Variants in PTPN9 observed in about 807,000 individuals in gnomAD.
PTPN9 encodes protein tyrosine phosphatase non-receptor type 9, also known as tyrosine-protein phosphatase non-receptor type 9.
A neutral mutation model predicts 69.8 loss-of-function variants in PTPN9; 26 were observed. That is an observed-to-expected ratio of 0.37 (90% CI 0.27 to 0.52). The LOEUF (loss-of-function observed/expected upper bound fraction) is 0.52, where lower values mean the gene tolerates loss of function less well. Ranked by LOEUF, PTPN9 falls within the 20% of genes least tolerant of loss-of-function variation. The pLI, the probability that PTPN9 is intolerant of heterozygous loss-of-function variation, is 0.91. For synonymous variants in PTPN9, 274 were observed against 272.5 expected, an observed-to-expected ratio of 1.01 and a Z score of -0.05; for missense variants, 549 against 740.3, an observed-to-expected ratio of 0.74 and a Z score of 3.00.
intron 7 of PTPN9, among the ~76,000 whole-genome samples, chr15:75,493,265 C>G (rs2074721581): frequency 6.6e-6 from 1 of 151,780 alleles, no homozygotes; most frequent in South Asian, 2.1e-4. Context: ...CTCTAAAAGG[C>G]TATCATTAAT....
chr15:75,483,691 G>T (rs1215803705), intron 8 of PTPN9, among the ~76,000 whole-genome samples: 1 of 152,210 alleles, frequency 6.6e-6, no homozygotes, highest in African/African-American at 2.4e-5. Context: ...TAGGTAAATT[G>T]TATGGTATGT....
chr15:75,521,964 C>A (rs1285265200), intron 4 of PTPN9, among the ~76,000 whole-genome samples: 1 of 152,156 alleles, frequency 6.6e-6, no homozygotes, highest in Non-Finnish European at 1.5e-5. Context: ...TCTCAGCCAA[C>A]CAAAGTGCTA....
chr15:75,510,625 A>G (rs553468557), intron 5 of PTPN9, among the ~76,000 whole-genome samples: 1 of 151,524 alleles, frequency 6.6e-6, no homozygotes, highest in East Asian at 1.9e-4. Flanking sequence ...TTTCTATTTT[A>G]ATGTCAGAAA....
chr15:75,578,216 G>A (rs1438396986), intron 1 of PTPN9, among the ~76,000 whole-genome samples: 2 of 152,134 alleles, frequency 1.3e-5, no homozygotes, highest in African/African-American at 4.8e-5. Context: ...AAACCTAAGA[G>A]GCTCCTCTGA....
chr15:75,517,972 T>C (rs563037675), intron 4 of PTPN9, among the ~76,000 whole-genome samples: 19 of 152,284 alleles, frequency 1.2e-4, no homozygotes, highest in Middle Eastern at 3.4e-3. Flanking sequence ...TGTGAAAAAC[T>C]GTGTAGAACA....
At chr15:75,515,426 C>CAAAAAA (rs34643551) in intron 5 of PTPN9, among the ~76,000 whole-genome samples, 2 of 69,412 alleles carry the variant, frequency 2.9e-5, no homozygotes, top group African/African-American at 5.2e-5. Context: ...GACTCCGTCT[C>CAAAAAA]AAAAAAAAAA....
At chr15:75,563,408 A>T (rs762099149) in intron 1 of PTPN9, among the ~76,000 whole-genome samples, 3 of 152,148 alleles carry the variant, frequency 2.0e-5, no homozygotes, top group Non-Finnish European at 4.4e-5. Flanking sequence ...GGTTAGTCTC[A>T]AACTCTTGAC....
Position 75,465,323 on chromosome 15 carries a change from C to T in PTPN9, c.*3446G>A, listed in dbSNP as rs2074532539. 1 of 152,150 alleles carries T rather than the reference C, an allele frequency of 6.6e-6. No homozygotes were observed. Among genetic ancestry groups the T allele is most frequent in the Non-Finnish European group, 1.5e-5 (1 of 68,050 alleles). 9.4% of individuals were successfully genotyped at this position (152,150 alleles called of 1,614,324 possible). On this transcript the variant is annotated 3_prime_UTR_variant, in exon 13 of 13. Transcript: ENST00000618819. ...TTCATCATATTGGTCAGGCTGGTCT[C>T]AAACTCCTGACCTCAGGTGATCTGC...
intron 1 of PTPN9, among the ~76,000 whole-genome samples, chr15:75,542,993 T>TCC (rs970105889): frequency 0.011 from 1,059 of 94,792 alleles, 24 homozygotes; most frequent in African/African-American, 0.041. Flanking sequence ...ATGCTATCCC[T>TCC]CCCCCCTCCC....
chr15:75,517,395 G>C, intron 4 of PTPN9, 31 bp from the exon 5 acceptor site: 1 of 1,571,546 alleles, frequency 6.4e-7, no homozygotes, highest in Non-Finnish European at 8.7e-7. Context: ...AAAAACATTT[G>C]TAAGTAAGCA....
intron 8 of PTPN9, 96 bp downstream of exon 8, chr15:75,490,112 G>A: frequency 9.8e-7 from 1 of 1,020,390 alleles, no homozygotes; most frequent in Non-Finnish European, 1.5e-6. Context: ...TGGCCTCGGA[G>A]TCTACTTTCA....
At chr15:75,473,582 G>A in intron 10 of PTPN9, 107 bp downstream of exon 10, 1 of 997,126 alleles carries the variant, frequency 1.0e-6, no homozygotes, top group Non-Finnish European at 1.6e-6. Flanking sequence ...GAGCCACCGT[G>A]CCAGGCTGAC....
intron 7 of PTPN9, among the ~76,000 whole-genome samples, chr15:75,492,567 C>T (rs919727545): frequency 6.6e-6 from 1 of 152,198 alleles, no homozygotes; most frequent in Admixed American, 6.5e-5. Context: ...TTTGGATCCC[C>T]TCAGCGGATC....
At chr15:75,500,340 T>TACAC (rs1298344294) in intron 7 of PTPN9, among the ~76,000 whole-genome samples, 2 of 134,356 alleles carry the variant, frequency 1.5e-5, no homozygotes, top group East Asian at 2.1e-4. Context: ...TAAACAAACA[T>TACAC]ACATACACAC....
At chr15:75,577,416 G>C (rs1379583869) in intron 1 of PTPN9, among the ~76,000 whole-genome samples, 2 of 152,130 alleles carry the variant, frequency 1.3e-5, no homozygotes, top group African/African-American at 4.8e-5. Flanking sequence ...ACTAGGGTCT[G>C]ACTAGCATTT....
chr15:75,544,704 G>A (rs1446241893), intron 1 of PTPN9, among the ~76,000 whole-genome samples: 1 of 152,126 alleles, frequency 6.6e-6, no homozygotes, highest in Admixed American at 6.6e-5. Flanking sequence ...TGCCGCTAAA[G>A]AGTGAGTGAA....
At chr15:75,567,297 C>T (rs1037010304) in intron 1 of PTPN9, among the ~76,000 whole-genome samples, 1 of 152,016 alleles carries the variant, frequency 6.6e-6, no homozygotes, top group African/African-American at 2.4e-5. Flanking sequence ...GGATTACAGG[C>T]GTGAGTCACC....
At chr15:75,524,672 G>A (rs1379988858) in intron 2 of PTPN9, among the ~76,000 whole-genome samples, 1 of 150,694 alleles carries the variant, frequency 6.6e-6, no homozygotes, top group African/African-American at 2.4e-5. Flanking sequence ...CAGCTACTCA[G>A]GAGGCTGAGG....
chr15:75,503,506 G>C (rs2074787344), intron 7 of PTPN9, among the ~76,000 whole-genome samples: 2 of 149,348 alleles, frequency 1.3e-5, no homozygotes, highest in Non-Finnish European at 3.0e-5. Flanking sequence ...GAAGTGAGGA[G>C]CGTCTCCGCC....
Sources: gnomAD v4.1 joint callset for allele counts (sites outside exome capture counted in the v4.1 genomes callset) on GRCh38, gnomAD v4.1.1 for gene constraint, MANE v1.5 for transcripts, NCBI Gene and HGNC (gene_info 2026-07-23, HGNC 2026-07-21) for gene names.